Variants in SLC35D4 observed in about 807,000 individuals in gnomAD.
SLC35D4 encodes the protein UDP-N-acetylglucosamine transporter SLC35D4.
chr18:23,362,463 G>T, the SLC35D4 span, among the ~76,000 whole-genome samples: 18 of 152,182 alleles, frequency 1.2e-4, no homozygotes, highest in African/African-American at 4.3e-4. Context: ...GCCAGGCATG[G>T]TGGCAGGTGC....
the SLC35D4 span, among the ~76,000 whole-genome samples, chr18:23,260,874 A>G: frequency 6.6e-6 from 1 of 152,184 alleles, no homozygotes; most frequent in African/African-American, 2.4e-5. Flanking sequence ...CCAGTCATGC[A>G]GCTGCAAAGC....
chr18:23,412,118 G>A, the SLC35D4 span, among the ~76,000 whole-genome samples: 3 of 152,304 alleles, frequency 2.0e-5, no homozygotes, highest in Admixed American at 6.5e-5. Flanking sequence ...TCAGGAGTTC[G>A]AGGTCAGCCT....
At chr18:23,308,395 C>T in the SLC35D4 span, among the ~76,000 whole-genome samples, 2 of 152,170 alleles carry the variant, frequency 1.3e-5, no homozygotes, top group South Asian at 2.1e-4. Flanking sequence ...CAAACCAATG[C>T]CCAGTACGCC....
chr18:23,305,173 C>T, the SLC35D4 span, among the ~76,000 whole-genome samples: 23 of 152,318 alleles, frequency 1.5e-4, no homozygotes, highest in African/African-American at 5.1e-4. Flanking sequence ...ACTGGACATT[C>T]TTAGTCTGCA....
chr18:23,244,396 G>C, the SLC35D4 span, among the ~76,000 whole-genome samples: 3 of 152,224 alleles, frequency 2.0e-5, no homozygotes, highest in African/African-American at 7.2e-5. Context: ...TCCAGGATTC[G>C]GTATTTTGAA....
the SLC35D4 span, among the ~76,000 whole-genome samples, chr18:23,269,162 C>A: frequency 2.6e-5 from 4 of 152,180 alleles, no homozygotes; most frequent in East Asian, 3.8e-4. Context: ...TGTGTCCCCA[C>A]CCAAAGCTCA....
At chr18:23,410,326 A>C in the SLC35D4 span, among the ~76,000 whole-genome samples, 1 of 151,848 alleles carries the variant, frequency 6.6e-6, no homozygotes. Context: ...AAATACAAAA[A>C]ATTATCCGGG....
the SLC35D4 span, among the ~76,000 whole-genome samples, chr18:23,426,171 A>G: frequency 6.6e-6 from 1 of 152,246 alleles, no homozygotes; most frequent in African/African-American, 2.4e-5. Context: ...TGGAGAAGAA[A>G]AAAACATAAA....
chr18:23,337,317 C>CA, the SLC35D4 span, among the ~76,000 whole-genome samples: 3 of 151,142 alleles, frequency 2.0e-5, no homozygotes, highest in African/African-American at 4.9e-5. Flanking sequence ...ACTAAAAATA[C>CA]AAAAAAAATT....
At chr18:23,266,551 A>G in the SLC35D4 span, among the ~76,000 whole-genome samples, 2 of 152,232 alleles carry the variant, frequency 1.3e-5, no homozygotes, top group Non-Finnish European at 2.9e-5. Flanking sequence ...TGTCGGTGAC[A>G]ACTCAGGGAA....
chr18:23,387,450 C>G, the SLC35D4 span, among the ~76,000 whole-genome samples: 4 of 152,272 alleles, frequency 2.6e-5, no homozygotes, highest in South Asian at 8.3e-4. Context: ...AGTGGCTCAG[C>G]AGCACTGCAC....
the SLC35D4 span, among the ~76,000 whole-genome samples, chr18:23,250,397 G>T: frequency 3.9e-5 from 6 of 152,208 alleles, no homozygotes; most frequent in Admixed American, 1.3e-4. Context: ...GGAAACAGGA[G>T]GGTTGGCTGA....
At chr18:23,420,981 C>T in the SLC35D4 span, among the ~76,000 whole-genome samples, 13 of 152,010 alleles carry the variant, frequency 8.6e-5, no homozygotes, top group African/African-American at 2.4e-4. Context: ...TGGTGGCTCA[C>T]GCCTGTAATC....
the SLC35D4 span, among the ~76,000 whole-genome samples, chr18:23,283,663 GC>G: frequency 6.6e-6 from 1 of 151,598 alleles, no homozygotes; most frequent in Non-Finnish European, 1.5e-5. Context: ...TACAAAATTA[GC>G]CAGGTGTGGT....
chr18:23,304,753 C>A, the SLC35D4 span, among the ~76,000 whole-genome samples: 1 of 152,090 alleles, frequency 6.6e-6, no homozygotes, highest in African/African-American at 2.4e-5. Context: ...GTTCTGGTTA[C>A]AAATCACTAA....
the SLC35D4 span, among the ~76,000 whole-genome samples, chr18:23,337,120 A>G: frequency 6.6e-6 from 1 of 150,872 alleles, no homozygotes; most frequent in African/African-American, 2.4e-5. Context: ...GTATGAGTCA[A>G]TGTTAAGCCT....
At chr18:23,365,293 T>C in the SLC35D4 span, among the ~76,000 whole-genome samples, 1 of 152,090 alleles carries the variant, frequency 6.6e-6, no homozygotes, top group Non-Finnish European at 1.5e-5. Flanking sequence ...TTTTCACCAA[T>C]TTTTTTAACA....
the SLC35D4 span, among the ~76,000 whole-genome samples, chr18:23,276,894 G>A: frequency 6.6e-5 from 10 of 152,330 alleles, no homozygotes; most frequent in African/African-American, 2.4e-4. Flanking sequence ...GACTCATGGA[G>A]CTCAGGGCAA....
the SLC35D4 span, among the ~76,000 whole-genome samples, chr18:23,273,714 G>A: frequency 6.6e-6 from 1 of 152,072 alleles, no homozygotes; most frequent in Non-Finnish European, 1.5e-5. Flanking sequence ...TTCGCCTCAC[G>A]GTCACATTCC....
Sources: gnomAD v4.1 joint callset for allele counts (sites outside exome capture counted in the v4.1 genomes callset) on GRCh38, gnomAD v4.1.1 for gene constraint, MANE v1.5 for transcripts, NCBI Gene and HGNC (gene_info 2026-07-23, HGNC 2026-07-21) for gene names.